The following STPG2 variants were observed in gnomAD, a reference collection of about 807,000 sequenced individuals.
STPG2 encodes sperm tail PG-rich repeat containing 2.
STPG2 carries 56 observed loss-of-function variants against 54.2 expected under a neutral mutation model. The ratio of observed to expected loss-of-function variants is 1.03; its 90% CI spans 0.83 to 1.29. The LOEUF is 1.29. Among genes scored for constraint, STPG2 ranks in the 50% most tolerant of loss-of-function variants. The pLI is 0.00. For missense variants in STPG2, 596 were observed against 544.9 expected (o/e 1.09, Z -0.93); for synonymous variants, 200 against 181.8 (o/e 1.10, Z -0.81).
chr4:97,954,310 G>A (rs1733586219), intron 7 of STPG2, among the ~76,000 whole-genome samples: 1 of 152,188 alleles, frequency 6.6e-6, no homozygotes, highest in Non-Finnish European at 1.5e-5. Context: ...GTGAGCTACT[G>A]GTGTGCAGGT....
At chr4:98,063,723 T>C (rs1737736255) in intron 5 of STPG2, among the ~76,000 whole-genome samples, 1 of 151,518 alleles carries the variant, frequency 6.6e-6, no homozygotes, top group African/African-American at 2.4e-5. Flanking sequence ...AATAAAATAA[T>C]AATAACAAAA....
intron 4 of STPG2, among the ~76,000 whole-genome samples, chr4:97,513,010 T>C (rs1731005000): frequency 2.0e-5 from 3 of 152,126 alleles, no homozygotes; most frequent in African/African-American, 7.2e-5. Context: ...CTACTTCAGA[T>C]GCTGGTTGCA....
At chr4:97,733,023 T>C (rs1724856241) in intron 9 of STPG2, among the ~76,000 whole-genome samples, 1 of 152,172 alleles carries the variant, frequency 6.6e-6, no homozygotes, top group Admixed American at 6.5e-5. Context: ...AGGAAAACAG[T>C]ATCGAGATTC....
intron 7 of STPG2, among the ~76,000 whole-genome samples, chr4:97,959,424 A>C (rs28818218): frequency 0.4 from 59,838 of 151,478 alleles, 11,916 homozygotes; most frequent in Middle Eastern, 0.46. Context: ...AAACAAAAAG[A>C]AAAAAGATAA....
At chr4:97,473,850 G>A (rs1730005892) in intron 4 of STPG2, among the ~76,000 whole-genome samples, 1 of 152,094 alleles carries the variant, frequency 6.6e-6, no homozygotes, top group Non-Finnish European at 1.5e-5. Context: ...GATGCTTAGG[G>A]AAAATAGAAA....
At chr4:98,041,773 G>T (rs1055564138) in intron 5 of STPG2, among the ~76,000 whole-genome samples, 6 of 151,832 alleles carry the variant, frequency 4.0e-5, no homozygotes, top group South Asian at 2.1e-4. Context: ...GTGTTCATCA[G>T]AGATATTGTT....
At chr4:97,841,046 T>C (rs1728788672) in intron 8 of STPG2, 114 bp from the exon 9 acceptor site, 4 of 967,858 alleles carry the variant, frequency 4.1e-6, no homozygotes, top group Non-Finnish European at 5.8e-6. Flanking sequence ...AATACTTTTA[T>C]TAATTAAACA....
At chr4:97,816,509 C>T (rs891265158) in intron 9 of STPG2, among the ~76,000 whole-genome samples, 1 of 152,146 alleles carries the variant, frequency 6.6e-6, no homozygotes, top group Non-Finnish European at 1.5e-5. Flanking sequence ...AGTGTAAAAG[C>T]ATTCCTATTT....
intron 6 of STPG2, among the ~76,000 whole-genome samples, chr4:97,980,575 C>T (rs976195798): frequency 9.2e-5 from 14 of 152,124 alleles, no homozygotes; most frequent in Non-Finnish European, 1.6e-4. Context: ...TAAGTACATC[C>T]TTTGAATAAC....
At chr4:97,567,324 G>T (rs1019703371) in intron 10 of STPG2, among the ~76,000 whole-genome samples, 1 of 151,080 alleles carries the variant, frequency 6.6e-6, no homozygotes. Context: ...ACATACTGTT[G>T]GTGAGGCTGT....
intron 8 of STPG2, among the ~76,000 whole-genome samples, chr4:97,848,008 C>A (rs1729010176): frequency 6.6e-6 from 1 of 152,150 alleles, no homozygotes; most frequent in Non-Finnish European, 1.5e-5. Flanking sequence ...TAGTCCCCAA[C>A]CATTTGCATG....
chr4:97,599,167 T>C (rs1405893425), intron 10 of STPG2, among the ~76,000 whole-genome samples: 2 of 152,104 alleles, frequency 1.3e-5, no homozygotes, highest in African/African-American at 4.8e-5. Context: ...TCAACAGCAC[T>C]GATCGTTAGA....
chr4:97,747,761 ATAAATT>A lies in STPG2; in HGVS notation c.1205-34953_1205-34948del, dbSNP rs1725464830. On this transcript the variant is annotated intron_variant, in intron 9 of 10. Transcript: ENST00000295268. ...CATGGAAATTTACTGAAATAGGAAT[ATAAATT>A]TAAAAGTTAGGGCAGATACTCTTGA... Among the ~76,000 whole-genome samples the A allele has an allele frequency of 3.3e-5, 5 of 151,570 alleles. No homozygotes were observed. In the South Asian group the frequency reaches 1.0e-3, roughly 31 times the overall value.
At chr4:97,788,037 G>A (rs1726879641) in intron 9 of STPG2, among the ~76,000 whole-genome samples, 5 of 151,918 alleles carry the variant, frequency 3.3e-5, no homozygotes. Context: ...AGTAAGTGGA[G>A]TATCCATCAC....
intron 5 of STPG2, among the ~76,000 whole-genome samples, chr4:98,040,080 T>C (rs2149306333): frequency 6.6e-6 from 1 of 152,048 alleles, no homozygotes; most frequent in Non-Finnish European, 1.5e-5. Flanking sequence ...ATTAGTGATA[T>C]TGAACATTTT....
chr4:97,921,342 A>G (rs1732099128), intron 8 of STPG2, among the ~76,000 whole-genome samples: 1 of 152,156 alleles, frequency 6.6e-6, no homozygotes, highest in Non-Finnish European at 1.5e-5. Context: ...AAGTGGCCTG[A>G]CAAGTCAAAA....
intron 4 of STPG2, among the ~76,000 whole-genome samples, chr4:97,550,712 G>T (rs1685921075): frequency 6.6e-6 from 1 of 152,276 alleles, no homozygotes; most frequent in South Asian, 2.1e-4. Flanking sequence ...TGTGTCCAGA[G>T]TTTGTTCCTT....
chr4:97,605,956 A>G (rs901986395), intron 10 of STPG2, among the ~76,000 whole-genome samples: 4 of 151,892 alleles, frequency 2.6e-5, no homozygotes. Context: ...TGAGTTTTAT[A>G]GGTGTCATAA....
At chr4:97,927,137 A>G (rs1732360320) in intron 8 of STPG2, among the ~76,000 whole-genome samples, 1 of 152,140 alleles carries the variant, frequency 6.6e-6, no homozygotes, top group African/African-American at 2.4e-5. Flanking sequence ...GATGATACAC[A>G]AAATATTTAA....
Sources: allele counts gnomAD v4.1 joint callset (sites outside exome capture counted in the v4.1 genomes callset), GRCh38; gene constraint gnomAD v4.1.1; transcripts MANE v1.5; gene names NCBI Gene and HGNC (gene_info 2026-07-23, HGNC 2026-07-21).